Variants in FOLH1 observed in about 807,000 individuals in gnomAD.
The protein encoded by FOLH1 is folate hydrolase 1.
Under a neutral mutation model 93.9 loss-of-function variants are expected in FOLH1, and 54 were observed. The ratio of observed to expected loss-of-function variants is 0.57; its 90% CI spans 0.46 to 0.72. The LOEUF is 0.72. Ranked by LOEUF, FOLH1 falls within the 30% of genes least tolerant of loss-of-function variation. The pLI is 0.00. For synonymous variants in FOLH1, 249 were observed against 303.6 expected (o/e 0.82, Z 1.87); for missense variants, 571 against 892.5 (o/e 0.64, Z 4.59).
intron 15 of FOLH1, 58 bp from the exon 16 acceptor site, chr11:49,154,550 C>A (rs530032069): frequency 6.4e-7 from 1 of 1,558,476 alleles, no homozygotes; most frequent in East Asian, 2.3e-5. Context: ...AAATGATTAG[C>A]ACCATATTTA....
intron 9 of FOLH1, 101 bp from the exon 10 acceptor site, chr11:49,173,577 GAAA>G: frequency 1.5e-6 from 1 of 650,548 alleles, no homozygotes. Flanking sequence ...TCACGCCTCA[GAAA>G]AAAAAAAAAG....
chr11:49,181,320 G>A (rs1394854477), intron 7 of FOLH1, among the ~76,000 whole-genome samples: 2 of 151,806 alleles, frequency 1.3e-5, no homozygotes, highest in East Asian at 1.9e-4. Flanking sequence ...CCATGTTGGC[G>A]AGGATGGTCC....
At chr11:49,191,481 T>C (rs749939666) in intron 4 of FOLH1, among the ~76,000 whole-genome samples, 7 of 152,230 alleles carry the variant, frequency 4.6e-5, no homozygotes, top group Non-Finnish European at 8.8e-5. Context: ...ATTTAGCCAT[T>C]GATCTGGAAG....
rs1857098863 is a variant in FOLH1, at chr11:49,156,916, A to G, written c.1533-109T>C. 1.9e-6 allele frequency: 3 copies of G among 1,544,758 alleles called. No homozygotes were observed. In the East Asian group the frequency reaches 6.9e-5, roughly 36 times the overall value. On this transcript the variant is annotated intron_variant, in intron 14 of 18. Transcript: ENST00000256999. ...TCTTACTATTATAAATGTAATTTTA[A>G]ACATACAGCTTTAGACATGCAGCAA...
chr11:49,179,376 A>C (rs1860469294), intron 7 of FOLH1, among the ~76,000 whole-genome samples: 1 of 152,236 alleles, frequency 6.6e-6, no homozygotes, highest in Non-Finnish European at 1.5e-5. Context: ...AAATTATACA[A>C]TCATTTTATT....
chr11:49,156,975 A>G (rs1256690464), intron 14 of FOLH1, among the ~76,000 whole-genome samples, 168 bp from the exon 15 acceptor site: 2 of 152,168 alleles, frequency 1.3e-5, no homozygotes, highest in Non-Finnish European at 2.9e-5. Flanking sequence ...TGATCACAAA[A>G]TATCTCCTTC....
intron 1 of FOLH1, chr11:49,206,639 T>C: frequency 1.5e-6 from 1 of 660,274 alleles, no homozygotes. Context: ...ATAAATTATT[T>C]CCAAGTGTTG....
intron 15 of FOLH1, chr11:49,155,686 T>G (rs1465837721): frequency 6.5e-6 from 1 of 153,376 alleles, no homozygotes; most frequent in Non-Finnish European, 1.4e-5. Flanking sequence ...GGTATGAATA[T>G]GAAATGGAAA....
rs772444946 is a variant in FOLH1 at position 49,169,208 on chromosome 11, G to A, written c.1359C>T (p.Asp453=). The change falls in exon 12 of 19, where the codon GAC becomes GAT. Residue 453 remains aspartate (D), a synonymous_variant. Coordinates refer to ENST00000256999, the MANE Select transcript of FOLH1 (RefSeq NM_004476.3). ...AACGATATTCACCTTCTATAGATGA[G>A]TCAGCATTAATATAAGCCACGCCAC... ...QERGVAYINA[D]SSIEGNYTLR... is the part of the protein sequence containing the mutation. 1.1e-5 allele frequency: 17 copies of A among 1,612,986 alleles called. No homozygotes were observed. In the African/African-American group the frequency reaches 1.5e-4, roughly 14 times the overall value.
At chr11:49,205,418 C>T (rs536823391) in intron 2 of FOLH1, among the ~76,000 whole-genome samples, 21 of 152,200 alleles carry the variant, frequency 1.4e-4, no homozygotes, top group Admixed American at 1.2e-3. Flanking sequence ...TTGACTTCAT[C>T]CATATCATAA....
In FOLH1 at chr11:49,154,433, C is replaced by T. The variant is rs778816102; in HGVS notation, c.1683G>A (p.Leu561=). The change falls in exon 16 of 19, where the codon TTG becomes TTA. Residue 561 remains leucine, a synonymous_variant. Transcript: ENST00000256999. ...LYHSVYETYE[L]VEKFYDPMFK... ...ACATTGGATCATAAAACTTTTCCAC[C>T]AACTCATATGTTTCATAGACACTGT... The T allele has an allele frequency of 9.9e-6, 16 of 1,610,826 alleles. No individual in the cohort carries two copies. The South Asian group carries it at 1.2e-4, about 12-fold the overall frequency.
At chr11:49,193,547 A>T (rs1265291410) in intron 3 of FOLH1, among the ~76,000 whole-genome samples, 1 of 152,212 alleles carries the variant, frequency 6.6e-6, no homozygotes, top group Non-Finnish European at 1.5e-5. Flanking sequence ...CTTTAAAAAA[A>T]AGTACATGAT....
At chr11:49,197,148 A>G (rs1308437570) in intron 3 of FOLH1, among the ~76,000 whole-genome samples, 1 of 152,224 alleles carries the variant, frequency 6.6e-6, no homozygotes, top group East Asian at 1.9e-4. Context: ...ATAAAAATCA[A>G]TAAAGGAACA....
chr11:49,168,690 C>T (rs1341309606), intron 12 of FOLH1, among the ~76,000 whole-genome samples: 2 of 152,136 alleles, frequency 1.3e-5, no homozygotes, highest in African/African-American at 2.4e-5. Flanking sequence ...AGGCTGGTTT[C>T]GAAATCCTGA....
intron 4 of FOLH1, among the ~76,000 whole-genome samples, chr11:49,192,150 G>T (rs1204110748): frequency 6.6e-6 from 1 of 151,180 alleles, no homozygotes; most frequent in South Asian, 2.1e-4. Flanking sequence ...ATACTATCTG[G>T]TCTTTTATAT....
rs766028126 is a variant in FOLH1 at position 49,169,267 on chromosome 11, A to G, written c.1309-9T>C. On this transcript the variant is annotated splice_polypyrimidine_tract_variant and intron_variant, in intron 11 of 18. Transcript: ENST00000256999. ...AGGAGTCTTGAATTCTCCTATAATA[A>G]AAAGGAAAACTATAAATATAAAGTT... is the stretch of plus-strand genomic sequence containing the variant. The G allele has an allele frequency of 6.2e-7, 1 of 1,612,006 alleles. No individual in the cohort carries two copies. Among genetic ancestry groups the G allele is most frequent in the Admixed American group, 1.7e-5 (1 of 59,972 alleles).
chr11:49,180,399 T>A (rs1860581921), intron 7 of FOLH1, among the ~76,000 whole-genome samples: 1 of 152,162 alleles, frequency 6.6e-6, no homozygotes, highest in Non-Finnish European at 1.5e-5. Context: ...TAGGAAACAG[T>A]ATATATGGTG....
At chr11:49,177,113 C>T (rs1860146591) in intron 7 of FOLH1, among the ~76,000 whole-genome samples, 7 of 152,182 alleles carry the variant, frequency 4.6e-5, no homozygotes, top group Admixed American at 3.9e-4. Context: ...ATCTACTGCA[C>T]ATGCAATAAG....
At chr11:49,205,259 A>T (rs1345697440) in intron 2 of FOLH1, among the ~76,000 whole-genome samples, 1 of 152,148 alleles carries the variant, frequency 6.6e-6, no homozygotes, top group African/African-American at 2.4e-5. Context: ...CTAATCAATT[A>T]TATATAGTAA....
Sources: gnomAD v4.1 joint callset for allele counts (sites outside exome capture counted in the v4.1 genomes callset) on GRCh38, gnomAD v4.1.1 for gene constraint, MANE v1.5 for transcripts, NCBI Gene and HGNC (gene_info 2026-07-23, HGNC 2026-07-21) for gene names.